The following PRKCE variants were observed in gnomAD, a reference collection of about 807,000 sequenced individuals.
PRKCE encodes the protein protein kinase C epsilon, also known as protein kinase C epsilon type.
A neutral mutation model predicts 85.4 loss-of-function variants in PRKCE; 16 were observed. That is an observed-to-expected ratio of 0.19 (90% CI 0.13 to 0.28). PRKCE has a LOEUF of 0.28. PRKCE is among the 10% of genes least tolerant of loss of function. PRKCE has a pLI of 1.00. For synonymous variants in PRKCE, 388 were observed against 371.5 expected (o/e 1.04, Z -0.51); for missense variants, 573 against 975.2 (o/e 0.59, Z 5.49).
intron 1 of PRKCE, chr2:45,677,810 G>A (rs552378807): frequency 5.1e-6 from 5 of 983,870 alleles, no homozygotes; most frequent in East Asian, 2.3e-4. Flanking sequence ...GCTTTAGATC[G>A]TTGTGGAAAA....
chr2:46,159,697 T>C lies in PRKCE; in HGVS notation c.2012T>C (p.Ile671Thr), dbSNP rs781724228. The C allele has an allele frequency of 3.1e-6, 5 of 1,599,190 alleles. No homozygotes were observed. Among genetic ancestry groups the C allele is most frequent in the Non-Finnish European group, 4.2e-6 (5 of 1,179,798 alleles). The change falls in exon 14 of 15, where the codon ATT becomes ACT. Residue 671 changes from isoleucine to threonine, a missense_variant. Around this residue, in one of 11 missense-constraint regions of PRKCE, gnomAD observed 72 missense variants for 166.0 expected, o/e 0.43. Transcript: ENST00000306156. The surrounding 1 kb of genome is among the most constrained non-coding windows in gnomAD (Gnocchi z 4.1). ...AIKQHPFFKE[I>T]DWVLLEQKKI... ...AAGCAGCACCCATTCTTCAAAGAGA[T>C]TGACTGGGTGCTCCTGGAGCAGAAG... is the stretch of plus-strand genomic sequence containing the variant.
At chr2:45,947,216 C>G (rs1412958922) in intron 2 of PRKCE, among the ~76,000 whole-genome samples, 2 of 152,140 alleles carry the variant, frequency 1.3e-5, no homozygotes, top group Non-Finnish European at 2.9e-5. Context: ...ATGCCAGTTG[C>G]AAAAGACCAC....
chr2:45,672,238 C>G, intron 1 of PRKCE, among the ~76,000 whole-genome samples: 1 of 151,932 alleles, frequency 6.6e-6, no homozygotes, highest in South Asian at 2.1e-4. Flanking sequence ...ATCCATCCAT[C>G]TGTCTATGCA....
chr2:45,796,620 G>T (rs992279535), intron 1 of PRKCE, among the ~76,000 whole-genome samples: 2 of 152,082 alleles, frequency 1.3e-5, no homozygotes, highest in African/African-American at 4.8e-5. Context: ...TGCAAAATGG[G>T]GTTGATATGA....
intron 1 of PRKCE, among the ~76,000 whole-genome samples, chr2:45,689,478 A>G (rs1316070855): frequency 1.3e-5 from 2 of 152,060 alleles, no homozygotes; most frequent in East Asian, 3.9e-4. Context: ...CCCCTTGTTA[A>G]AAATTGATAA....
At chr2:45,945,910 G>T (rs899872840) in intron 2 of PRKCE, among the ~76,000 whole-genome samples, 9 of 152,246 alleles carry the variant, frequency 5.9e-5, no homozygotes, top group Admixed American at 2.0e-4. Context: ...GACACCACAT[G>T]AATGGCCACT....
intron 2 of PRKCE, among the ~76,000 whole-genome samples, chr2:45,961,631 T>C (rs1701384288): frequency 6.6e-6 from 1 of 152,036 alleles, no homozygotes; most frequent in Non-Finnish European, 1.5e-5. Context: ...GAGCCAGGCT[T>C]GTTAGCATTT....
At chr2:45,828,206 T>A (rs1690110184) in intron 1 of PRKCE, among the ~76,000 whole-genome samples, 1 of 152,190 alleles carries the variant, frequency 6.6e-6, no homozygotes, top group African/African-American at 2.4e-5. Flanking sequence ...AGGAACACCA[T>A]CATATAGAGG....
intron 10 of PRKCE, among the ~76,000 whole-genome samples, chr2:46,051,711 C>A (rs966909755): frequency 1.3e-5 from 2 of 152,154 alleles, no homozygotes; most frequent in African/African-American, 2.4e-5. Flanking sequence ...AAGTGAGAAA[C>A]AAATCCTCAA....
chr2:45,905,195 A>G lies in PRKCE; in HGVS notation c.412+62132A>G, dbSNP rs73926110. 0.015 allele frequency among the ~76,000 whole-genome samples: 2,328 copies of G among 152,306 alleles called. 61 individuals carry two copies. Among genetic ancestry groups the G allele is most frequent in the African/African-American group, 0.053 (2,215 of 41,546 alleles). On this transcript the variant is annotated intron_variant, in intron 2 of 14. Transcript: ENST00000306156. The surrounding 1 kb of genome is among the most constrained non-coding windows in gnomAD (Gnocchi z 4.4). ...CTAGGGCAAACCCTGGCTCAAGAGC[A>G]TCCTTGACTTATGGCCAAGCCTCAG...
At chr2:45,940,136 G>A (rs1010939698) in intron 2 of PRKCE, among the ~76,000 whole-genome samples, 1 of 152,174 alleles carries the variant, frequency 6.6e-6, no homozygotes, top group Non-Finnish European at 1.5e-5. Context: ...AATGCAAATT[G>A]GAAGCTTCCC....
intron 2 of PRKCE, among the ~76,000 whole-genome samples, chr2:45,933,767 C>T (rs562954198): frequency 6.6e-6 from 1 of 152,276 alleles, no homozygotes; most frequent in South Asian, 2.1e-4. Flanking sequence ...TGAGCCACCG[C>T]ACCCAGCATG....
intron 6 of PRKCE, among the ~76,000 whole-genome samples, chr2:45,989,582 G>A (rs1574136387): frequency 6.6e-6 from 1 of 151,794 alleles, no homozygotes; most frequent in South Asian, 2.1e-4. Context: ...CCTTGGGGTG[G>A]CTGTGCAGAG....
chr2:45,937,408 G>A (rs1699541995), intron 2 of PRKCE, among the ~76,000 whole-genome samples: 2 of 152,272 alleles, frequency 1.3e-5, no homozygotes, highest in South Asian at 4.1e-4. Flanking sequence ...TGACAATTTG[G>A]TTTTAAGAAA....
chr2:45,672,985 C>CCACT (rs1378531284), intron 1 of PRKCE, among the ~76,000 whole-genome samples: 2 of 152,168 alleles, frequency 1.3e-5, no homozygotes, highest in African/African-American at 4.8e-5. Context: ...TATGATGGCA[C>CCACT]CACTCTACTC....
At chr2:45,939,118 A>G (rs969228901) in intron 2 of PRKCE, among the ~76,000 whole-genome samples, 17 of 152,244 alleles carry the variant, frequency 1.1e-4, no homozygotes, top group Non-Finnish European at 2.4e-4. Flanking sequence ...CCCGGAAAAT[A>G]TAAAACCAAA....
chr2:45,740,952 T>C (rs1032382715), intron 1 of PRKCE, among the ~76,000 whole-genome samples: 5 of 152,230 alleles, frequency 3.3e-5, no homozygotes, highest in African/African-American at 9.6e-5. Flanking sequence ...ATTGTAGATA[T>C]TACATTTTCT....
Position 45,905,762 on chromosome 2 carries a change from C to G in PRKCE, c.412+62699C>G, listed in dbSNP as rs889708506. Among the ~76,000 whole-genome samples, 1 of 152,206 alleles carries G rather than the reference C, an allele frequency of 6.6e-6. No homozygotes were observed. The highest frequency in any genetic ancestry group is 1.5e-5 in the Non-Finnish European group (1 of 68,044). On this transcript the variant is annotated intron_variant, in intron 2 of 14. Transcript: ENST00000306156. This position sits in a 1 kb window ranked among gnomAD's most constrained non-coding sequence, Gnocchi z 4.4. Reference sequence around the variant, plus strand: ...AAGGGTAAATGGAGACCGGCCCATGCTCTTTATAGTCCCTGAACACACGTG... The same window carrying G: ...AAGGGTAAATGGAGACCGGCCCATGGTCTTTATAGTCCCTGAACACACGTG...
intron 1 of PRKCE, among the ~76,000 whole-genome samples, chr2:45,663,863 A>T (rs1675793223): frequency 6.6e-6 from 1 of 152,214 alleles, no homozygotes; most frequent in Non-Finnish European, 1.5e-5. Context: ...GTTAAGATTA[A>T]AGTAGGAATG....
Sources: allele counts gnomAD v4.1 joint callset (sites outside exome capture counted in the v4.1 genomes callset), GRCh38; gene constraint gnomAD v4.1.1; regional missense constraint gnomAD v4.1.1; non-coding constraint Gnocchi (gnomAD v3.1); transcripts MANE v1.5; gene names NCBI Gene and HGNC (gene_info 2026-07-23, HGNC 2026-07-21).